Variants in NLGN1 observed in about 807,000 individuals in gnomAD.
The protein encoded by NLGN1 is neuroligin-1.
NLGN1 carries 12 observed loss-of-function variants against 65.5 expected under a neutral mutation model. The observed-to-expected ratio is 0.18, with a 90% CI of 0.12 to 0.30. The LOEUF is 0.30. Ranked by LOEUF, NLGN1 falls within the 10% of genes least tolerant of loss-of-function variation. The probability of loss-of-function intolerance (pLI) is 1.00; values close to 1 mark genes in which losing one functional copy is unlikely to be tolerated. For missense variants in NLGN1, 750 were observed against 1,007.1 expected, an observed-to-expected ratio of 0.74 and a Z score of 3.46; for synonymous variants, 350 against 359.5, an observed-to-expected ratio of 0.97 and a Z score of 0.30.
intron 2 of NLGN1, among the ~76,000 whole-genome samples, chr3:173,504,245 T>C (rs1731631716): frequency 6.6e-6 from 1 of 152,104 alleles, no homozygotes; most frequent in Non-Finnish European, 1.5e-5. Context: ...TTCTAGTTAT[T>C]GAGTGTAATC....
At chr3:173,475,819 T>C (rs1726104107) in intron 2 of NLGN1, among the ~76,000 whole-genome samples, 1 of 152,224 alleles carries the variant, frequency 6.6e-6, no homozygotes, top group Admixed American at 6.5e-5. Flanking sequence ...AATCCTTGCA[T>C]TTGAGTCAGT....
intron 3 of NLGN1, among the ~76,000 whole-genome samples, chr3:173,727,773 T>C (rs974641904): frequency 2.0e-5 from 3 of 152,128 alleles, no homozygotes; most frequent in Non-Finnish European, 4.4e-5. Flanking sequence ...AAAGTGACTT[T>C]TGAAATGAAG....
chr3:173,971,781 G>C (rs1579495274), intron 4 of NLGN1, among the ~76,000 whole-genome samples: 1 of 152,026 alleles, frequency 6.6e-6, no homozygotes. Context: ...CATATAAAAA[G>C]TGACTTTCTA....
At chr3:174,112,836 A>G (rs1715537641) in intron 4 of NLGN1, among the ~76,000 whole-genome samples, 2 of 151,918 alleles carry the variant, frequency 1.3e-5, no homozygotes, top group Admixed American at 1.3e-4. Flanking sequence ...GGTGATTAGT[A>G]TATAGTAAGT....
rs552453306 is a variant in NLGN1 at position 173,725,993 on chromosome 3, C to T, written c.494-81687C>T. Among the ~76,000 whole-genome samples the T allele has an allele frequency of 2.0e-5, 3 of 152,184 alleles. No individual in the cohort carries two copies. The South Asian group carries it at 6.2e-4, about 32-fold the overall frequency. On this transcript the variant is annotated intron_variant, in intron 3 of 6. Coordinates refer to ENST00000457714, the Ensembl canonical transcript of NLGN1. The stretch of plus-strand genomic sequence containing the variant: ...GGACAGCAGAAGAATCTCTTAAGCT[C>T]CAGTATGCCCAGCTGGAGTCTTATG...
chr3:174,013,111 C>A (rs1431593959), intron 4 of NLGN1, among the ~76,000 whole-genome samples: 1 of 152,120 alleles, frequency 6.6e-6, no homozygotes, highest in South Asian at 2.1e-4. Flanking sequence ...CTGTAATGTA[C>A]ATAATGGGTG....
At chr3:173,682,371 C>G (rs142002033) in intron 3 of NLGN1, among the ~76,000 whole-genome samples, 4 of 151,874 alleles carry the variant, frequency 2.6e-5, no homozygotes, top group African/African-American at 9.7e-5. Context: ...GGGTGGATCA[C>G]GAGGTCAAGA....
chr3:173,780,380 A>G (rs1027319557), intron 3 of NLGN1, among the ~76,000 whole-genome samples: 8 of 152,212 alleles, frequency 5.3e-5, no homozygotes, highest in Admixed American at 3.9e-4. Flanking sequence ...GTTATGTTCA[A>G]AGTATGAATC....
At chr3:173,694,368 G>A (rs1014501622) in intron 3 of NLGN1, among the ~76,000 whole-genome samples, 1 of 152,124 alleles carries the variant, frequency 6.6e-6, no homozygotes, top group Non-Finnish European at 1.5e-5. Flanking sequence ...GCCAAGTGCG[G>A]TGTTGAAAGC....
intron 2 of NLGN1, among the ~76,000 whole-genome samples, chr3:173,492,006 C>A (rs566888290): frequency 1.3e-5 from 2 of 151,766 alleles, no homozygotes; most frequent in East Asian, 3.9e-4. Flanking sequence ...GTAATTCCTC[C>A]TCACTGACAA....
chr3:174,080,669 C>T (rs1741973409), intron 4 of NLGN1, among the ~76,000 whole-genome samples: 2 of 151,882 alleles, frequency 1.3e-5, no homozygotes, highest in Non-Finnish European at 2.9e-5. Context: ...GGTTAGACTC[C>T]ACCATTTTGC....
At chr3:173,454,868 G>C (rs1318052072) in intron 2 of NLGN1, among the ~76,000 whole-genome samples, 2 of 152,144 alleles carry the variant, frequency 1.3e-5, no homozygotes, top group Non-Finnish European at 2.9e-5. Flanking sequence ...TCCAACTTTT[G>C]ATTGAAAATG....
chr3:173,807,781 A>G (rs753955788), exon 4 of NLGN1: 6 of 1,613,630 alleles, frequency 3.7e-6, no homozygotes, highest in African/African-American at 2.7e-5. Context: ...TGTCTTGGCA[A>G]GTTATGGCAA....
intron 4 of NLGN1, among the ~76,000 whole-genome samples, chr3:174,108,240 T>A (rs530974430): frequency 1.3e-5 from 2 of 152,244 alleles, no homozygotes; most frequent in South Asian, 4.1e-4. Context: ...GATTTTCTCC[T>A]GCATTCTTTT....
intron 3 of NLGN1, among the ~76,000 whole-genome samples, chr3:173,795,596 A>G (rs780221505): frequency 6.6e-5 from 10 of 152,130 alleles, no homozygotes; most frequent in Non-Finnish European, 1.2e-4. Context: ...TTGCAATGAC[A>G]ACTGTCATAA....
intron 4 of NLGN1, among the ~76,000 whole-genome samples, chr3:173,992,632 A>G (rs1487518503): frequency 2.0e-5 from 3 of 152,174 alleles, no homozygotes; most frequent in Non-Finnish European, 4.4e-5. Context: ...GTCCAAAAAT[A>G]GATGTTGTGG....
intron 4 of NLGN1, among the ~76,000 whole-genome samples, chr3:174,234,663 T>C (rs2152821838): frequency 6.6e-6 from 1 of 152,234 alleles, no homozygotes; most frequent in East Asian, 1.9e-4. Context: ...AGAGAAACAA[T>C]GTAACAACTG....
At chr3:174,083,621 T>C (rs1349953003) in intron 4 of NLGN1, among the ~76,000 whole-genome samples, 1 of 152,164 alleles carries the variant, frequency 6.6e-6, no homozygotes, top group Admixed American at 6.5e-5. Context: ...AGATTTTAAG[T>C]ATTGGAATAC....
intron 4 of NLGN1, among the ~76,000 whole-genome samples, chr3:174,167,057 A>G (rs565370422): frequency 1.2e-4 from 18 of 152,040 alleles, no homozygotes; most frequent in East Asian, 1.9e-4. Context: ...AACCCTTTAC[A>G]TTGAGTCCAG....
Sources: allele counts gnomAD v4.1 joint callset (sites outside exome capture counted in the v4.1 genomes callset), GRCh38; gene constraint gnomAD v4.1.1; transcripts MANE v1.5; gene names NCBI Gene and HGNC (gene_info 2026-07-23, HGNC 2026-07-21).